The following DNAH3 variants were observed in gnomAD, a reference collection of about 807,000 sequenced individuals.
DNAH3 encodes the protein dynein axonemal heavy chain 3.
A neutral mutation model predicts 432.5 loss-of-function variants in DNAH3; 332 were observed. The observed-to-expected ratio is 0.77, with a 90% CI of 0.70 to 0.84. The LOEUF (loss-of-function observed/expected upper bound fraction) is 0.84. Ranked by LOEUF, DNAH3 falls within the 40% of genes least tolerant of loss-of-function variation. The pLI, the probability that DNAH3 is intolerant of heterozygous loss-of-function variation, is 0.00. For missense variants in DNAH3, 4,861 were observed against 5,114.0 expected (o/e 0.95, Z 1.51); for synonymous variants, 1,956 against 1,900.2 (o/e 1.03, Z -0.76).
intron 51 of DNAH3, among the ~76,000 whole-genome samples, chr16:20,970,492 C>G (rs1289130335): frequency 1.3e-5 from 2 of 152,128 alleles, no homozygotes; most frequent in Non-Finnish European, 2.9e-5. Flanking sequence ...CCATTGCACT[C>G]CAGCCTGGCC....
intron 52 of DNAH3, among the ~76,000 whole-genome samples, chr16:20,969,282 ATGTGTGTGCATGTG>A (rs1368540485): frequency 6.8e-6 from 1 of 146,428 alleles, no homozygotes; most frequent in Non-Finnish European, 1.5e-5. Context: ...GTGTGCATGC[ATGTGTGTGCATGTG>A]TGTGTGTGTG....
chr16:21,142,392 T>A (rs1282083853), intron 3 of DNAH3, among the ~76,000 whole-genome samples: 1 of 152,082 alleles, frequency 6.6e-6, no homozygotes, highest in Non-Finnish European at 1.5e-5. Context: ...CATACATACA[T>A]GCATACATAC....
At chr16:21,022,901 T>C (rs1332786636) in intron 39 of DNAH3, among the ~76,000 whole-genome samples, 3 of 151,936 alleles carry the variant, frequency 2.0e-5, no homozygotes, top group African/African-American at 7.3e-5. Flanking sequence ...GCACATGCCA[T>C]CATGCTCAGC....
chr16:21,029,359 G>GTA (rs993747194), intron 37 of DNAH3, among the ~76,000 whole-genome samples: 7 of 152,192 alleles, frequency 4.6e-5, no homozygotes, highest in Admixed American at 2.6e-4. Flanking sequence ...TGATAATGAT[G>GTA]TATATCCAGT....
chr16:21,159,376 C>A, exon 1 of DNAH3: 3 of 1,614,168 alleles, frequency 1.9e-6, no homozygotes, highest in Non-Finnish European at 2.5e-6. Flanking sequence ...CTTTTGAACG[C>A]TGAAAGGCTG....
chr16:21,059,667 T>C (rs2090274354), intron 26 of DNAH3, among the ~76,000 whole-genome samples: 1 of 151,192 alleles, frequency 6.6e-6, no homozygotes, highest in Non-Finnish European at 1.5e-5. Context: ...CCTAGCTACT[T>C]GGGAGGCTGA....
At chr16:21,154,071 G>C (rs763233187) in intron 1 of DNAH3, among the ~76,000 whole-genome samples, 1 of 152,220 alleles carries the variant, frequency 6.6e-6, no homozygotes, top group Non-Finnish European at 1.5e-5. Context: ...GAAACCTCAT[G>C]TCCCACCAAA....
intron 14 of DNAH3, among the ~76,000 whole-genome samples, chr16:21,109,250 G>A (rs756414057): frequency 2.6e-5 from 4 of 152,146 alleles, no homozygotes; most frequent in Non-Finnish European, 5.9e-5. Context: ...TGAGAAAGCT[G>A]CTTGCACATG....
At chr16:21,030,407 GAAAA>G (rs2088812911) in intron 37 of DNAH3, among the ~76,000 whole-genome samples, 1 of 152,084 alleles carries the variant, frequency 6.6e-6, no homozygotes, top group Non-Finnish European at 1.5e-5. Flanking sequence ...TAGAGAGAAA[GAAAA>G]AGAGAGAGAG....
chr16:20,954,531 C>T (rs1377308941), intron 55 of DNAH3, among the ~76,000 whole-genome samples: 1 of 151,992 alleles, frequency 6.6e-6, no homozygotes, highest in Non-Finnish European at 1.5e-5. Context: ...CTCAAGGATT[C>T]TGCCTCCCTT....
At chr16:21,102,137 G>C (rs1346300816) in intron 16 of DNAH3, among the ~76,000 whole-genome samples, 2 of 152,156 alleles carry the variant, frequency 1.3e-5, no homozygotes, top group Non-Finnish European at 2.9e-5. Context: ...CGAAGAGAGG[G>C]GTGAGCCCAG....
At chr16:21,102,968 T>C (rs1437093966) in intron 16 of DNAH3, among the ~76,000 whole-genome samples, 10 of 151,672 alleles carry the variant, frequency 6.6e-5, no homozygotes, top group Middle Eastern at 3.2e-3. Context: ...CTTGACCTCA[T>C]GATCTGCCTG....
chr16:21,088,998 A>G (rs2091457974), intron 18 of DNAH3, among the ~76,000 whole-genome samples: 1 of 152,238 alleles, frequency 6.6e-6, no homozygotes, highest in Non-Finnish European at 1.5e-5. Flanking sequence ...TCTACTGGAA[A>G]TTAAAGAAGG....
intron 26 of DNAH3, among the ~76,000 whole-genome samples, chr16:21,059,121 T>C (rs858201): frequency 0.22 from 33,890 of 152,170 alleles, 3,990 homozygotes; most frequent in East Asian, 0.46. Context: ...ACTATACATA[T>C]GTGTCTTATA....
At position 21,053,986 on chromosome 16, in the gene DNAH3, G is replaced by C. The variant is rs1597253584; in HGVS notation, c.4039+434C>G. ...GGCGATTCTGTTGCTTACTATTATA[G>C]CTGTATGCCTCTCAGCAAGTTAGTT... On this transcript the variant is annotated intron_variant, in intron 28 of 61. Coordinates refer to ENST00000261383, the Ensembl canonical transcript of DNAH3. Among the ~76,000 whole-genome samples the C allele has an allele frequency of 2.6e-5, 4 of 152,218 alleles. No individual in the cohort carries two copies. In the South Asian group the frequency reaches 8.3e-4, roughly 32 times the overall value.
At position 20,987,931 on chromosome 16, in the gene DNAH3, A is replaced by G. The variant is rs73534345; in HGVS notation, c.6725+11T>C. The G allele has an allele frequency of 4.0e-4, 639 of 1,614,216 alleles. 3 individuals carry two copies. In the African/African-American group the frequency reaches 7.0e-3, roughly 18 times the overall value. ...CAGCCCACTATCCAGGAAGACAGAG[A>G]AACCTCTTACCTTAAAAACATCACA... On this transcript the variant is annotated intron_variant, in intron 45 of 61. Transcript: ENST00000261383.
intron 49 of DNAH3, among the ~76,000 whole-genome samples, chr16:20,981,541 ATGG>A (rs1410142058): frequency 6.6e-6 from 1 of 151,968 alleles, no homozygotes; most frequent in Non-Finnish European, 1.5e-5. Flanking sequence ...CCTGGCCAAC[ATGG>A]TGAAACCCAG....
intron 49 of DNAH3, among the ~76,000 whole-genome samples, chr16:20,981,310 C>G (rs2085886301): frequency 6.6e-6 from 1 of 152,198 alleles, no homozygotes; most frequent in African/African-American, 2.4e-5. Context: ...ATTCTACCCA[C>G]AAGCACGTGG....
At chr16:21,065,739 A>G (rs927710118) in intron 24 of DNAH3, among the ~76,000 whole-genome samples, 1 of 152,260 alleles carries the variant, frequency 6.6e-6, no homozygotes, top group Non-Finnish European at 1.5e-5. Flanking sequence ...TATATTGGAC[A>G]GTACGGACAA....
Sources: allele counts gnomAD v4.1 joint callset (sites outside exome capture counted in the v4.1 genomes callset), GRCh38; gene constraint gnomAD v4.1.1; transcripts MANE v1.5; gene names NCBI Gene and HGNC (gene_info 2026-07-23, HGNC 2026-07-21).